The following NLGN4X variants were observed in gnomAD, a reference collection of about 807,000 sequenced individuals.
NLGN4X encodes neuroligin-4, X-linked.
In NLGN4X, 3 loss-of-function variants were observed where a neutral mutation model predicts 40.3. That is an observed-to-expected ratio of 0.07 (90% CI 0.03 to 0.19). The LOEUF (loss-of-function observed/expected upper bound fraction) is 0.19, where lower values mean the gene tolerates loss of function less well. Ranked by LOEUF, NLGN4X falls within the 10% of genes least tolerant of loss-of-function variation. The pLI is 1.00. For synonymous variants in NLGN4X, 270 were observed against 306.8 expected (o/e 0.88, Z 1.25); for missense variants, 382 against 708.3 (o/e 0.54, Z 5.23).
intron 3 of NLGN4X, among the ~76,000 whole-genome samples, chrX:6,016,067 A>G (rs1386547587): frequency 8.9e-6 from 1 of 111,969 alleles, no homozygotes; most frequent in African/African-American, 3.2e-5. Context: ...AGATAATCCA[A>G]TTAAAATAGG....
chrX:6,023,680 T>C (rs1176368042), intron 3 of NLGN4X, among the ~76,000 whole-genome samples: 9 of 111,917 alleles, frequency 8.0e-5, no homozygotes, highest in African/African-American at 2.6e-4. Flanking sequence ...AATGAAGTAA[T>C]ATCTGCCAGC....
rs191667296 is a variant in NLGN4X, at chrX:5,900,308, C to T, written c.1601+2769G>A. Among the ~76,000 whole-genome samples, 27 of 111,266 alleles carry T rather than the reference C, an allele frequency of 2.4e-4. 1 individual carries two copies. The East Asian group carries it at 6.0e-3, about 25-fold the overall frequency. On this transcript the variant is annotated intron_variant, in intron 5 of 5. Coordinates refer to ENST00000381095, the MANE Select transcript of NLGN4X (RefSeq NM_181332.3). The stretch of plus-strand genomic sequence containing the variant: ...CTTGGCAGATGCTCTTATATGAAGA[C>T]GGCCATGTGGAGACAGAGACACACA...
intron 1 of NLGN4X, chrX:6,187,102 A>AT (rs1341673461): frequency 1.5e-4 from 16 of 105,718 alleles, no homozygotes; most frequent in African/African-American, 5.2e-4. Context: ...CGCCCGGCTA[A>AT]TTTTTTTGTA....
chrX:6,150,448 G>A (rs1054662958), intron 2 of NLGN4X, among the ~76,000 whole-genome samples: 3 of 111,823 alleles, frequency 2.7e-5, no homozygotes, highest in Non-Finnish European at 5.6e-5. Context: ...CCAAATTTAC[G>A]TTAAGAAAAC....
intron 2 of NLGN4X, among the ~76,000 whole-genome samples, chrX:6,137,049 T>C (rs1428838002): frequency 8.9e-6 from 1 of 112,280 alleles, no homozygotes; most frequent in East Asian, 2.8e-4. Flanking sequence ...TACCACAAAC[T>C]TGGTGACTTG....
intron 3 of NLGN4X, among the ~76,000 whole-genome samples, chrX:6,023,857 T>C (rs1262473726): frequency 8.9e-6 from 1 of 111,929 alleles, no homozygotes; most frequent in African/African-American, 3.3e-5. Context: ...TGAAATCCAC[T>C]GCAGGTACAG....
At chrX:5,917,140 C>A (rs766519928) in intron 3 of NLGN4X, among the ~76,000 whole-genome samples, 71 of 112,475 alleles carry the variant, frequency 6.3e-4, no homozygotes, top group Non-Finnish European at 1.1e-3. Context: ...GGCTGCTGGG[C>A]GACCATAAAT....
Position 5,895,216 on chromosome X carries a change from G to A in NLGN4X, c.1602-1550C>T, listed in dbSNP as rs1209684829. Among the ~76,000 whole-genome samples the A allele has an allele frequency of 3.6e-5, 4 of 112,198 alleles. No individual in the cohort carries two copies. The East Asian group carries it at 1.1e-3, about 31-fold the overall frequency. ...ACTTTCTGCAGCTCTGGCTAGTTAA[G>A]AGCTGTGAAATCTTAAGCAAGTTTT... On this transcript the variant is annotated intron_variant, in intron 5 of 5. Coordinates refer to ENST00000381095, the MANE Select transcript of NLGN4X (RefSeq NM_181332.3).
chrX:6,208,194 A>G (rs1316712033), intron 1 of NLGN4X, among the ~76,000 whole-genome samples: 1 of 112,284 alleles, frequency 8.9e-6, no homozygotes, highest in Non-Finnish European at 1.9e-5. Context: ...CTCATTTTTC[A>G]CATCAAATGT....
chrX:6,179,551 G>A, intron 1 of NLGN4X, among the ~76,000 whole-genome samples: 1 of 112,011 alleles, frequency 8.9e-6, no homozygotes. Context: ...CTAAGAGGCA[G>A]GAAACCTAAA....
At chrX:5,975,498 A>C (rs1240603254) in intron 3 of NLGN4X, among the ~76,000 whole-genome samples, 1 of 108,790 alleles carries the variant, frequency 9.2e-6, no homozygotes, top group African/African-American at 3.4e-5. Context: ...CTGTAATCCC[A>C]GCTACTCAGG....
At chrX:6,065,770 C>T (rs188144842) in intron 2 of NLGN4X, among the ~76,000 whole-genome samples, 2 of 111,238 alleles carry the variant, frequency 1.8e-5, no homozygotes, top group East Asian at 5.7e-4. Flanking sequence ...TAATAGGAAA[C>T]ATGTACTCTA....
intron 3 of NLGN4X, among the ~76,000 whole-genome samples, chrX:5,949,555 AT>A (rs972564652): frequency 8.9e-6 from 1 of 112,069 alleles, no homozygotes; most frequent in African/African-American, 3.2e-5. Context: ...GAATCAAGTT[AT>A]CATTTGTGTT....
intron 1 of NLGN4X, among the ~76,000 whole-genome samples, chrX:6,200,687 C>CTTTTTTTTTTTTT (rs767226691): frequency 3.2e-4 from 18 of 55,560 alleles, no homozygotes; most frequent in African/African-American, 4.3e-4. Context: ...CTTTCCTTTT[C>CTTTTTTTTTTTTT]TTTTTTTTTT....
At chrX:6,128,594 G>A (rs887512219) in intron 2 of NLGN4X, among the ~76,000 whole-genome samples, 1 of 111,329 alleles carries the variant, frequency 9.0e-6, no homozygotes, top group Non-Finnish European at 1.9e-5. Flanking sequence ...ACATGTTCTC[G>A]CTTATAAGTG....
intron 1 of NLGN4X, among the ~76,000 whole-genome samples, chrX:6,208,693 T>A (rs975313718): frequency 8.0e-5 from 9 of 112,095 alleles, no homozygotes; most frequent in Non-Finnish European, 1.3e-4. Flanking sequence ...TATCTGAGAC[T>A]GTCTGCAGAC....
intron 2 of NLGN4X, among the ~76,000 whole-genome samples, chrX:6,134,184 C>T (rs764744209): frequency 9.0e-5 from 10 of 111,705 alleles, no homozygotes; most frequent in African/African-American, 3.2e-4. Flanking sequence ...AAGGATGCTG[C>T]CCTGTAATTA....
intron 3 of NLGN4X, among the ~76,000 whole-genome samples, chrX:5,993,172 T>C (rs759855635): frequency 9.0e-6 from 1 of 110,769 alleles, no homozygotes; most frequent in South Asian, 3.9e-4. Flanking sequence ...TTGCAGTATA[T>C]TGAGCAACAT....
intron 1 of NLGN4X, among the ~76,000 whole-genome samples, chrX:6,175,382 G>A (rs180997192): frequency 9.1e-6 from 1 of 110,366 alleles, no homozygotes; most frequent in East Asian, 2.8e-4. Context: ...ACACCATCTA[G>A]TATTTAACCA....
Sources: gnomAD v4.1 joint callset for allele counts (sites outside exome capture counted in the v4.1 genomes callset) on GRCh38, gnomAD v4.1.1 for gene constraint, MANE v1.5 for transcripts, NCBI Gene and HGNC (gene_info 2026-07-23, HGNC 2026-07-21) for gene names.